The following STX8 variants were observed in gnomAD, a reference collection of about 807,000 sequenced individuals.
STX8 encodes the protein syntaxin-8.
A neutral mutation model predicts 37.5 loss-of-function variants in STX8; 23 were observed. That is an observed-to-expected ratio of 0.61 (90% CI 0.44 to 0.87). The LOEUF is 0.87. Ranked by LOEUF, STX8 falls within the 40% of genes least tolerant of loss-of-function variation. STX8 has a pLI of 0.00. For synonymous variants in STX8, 115 were observed against 99.1 expected, an observed-to-expected ratio of 1.16 and a Z score of -0.95; for missense variants, 313 against 284.7, an observed-to-expected ratio of 1.10 and a Z score of -0.71.
chr17:9,390,112 G>C (rs778020006), intron 6 of STX8, among the ~76,000 whole-genome samples: 12 of 152,174 alleles, frequency 7.9e-5, no homozygotes, highest in South Asian at 2.1e-4. Flanking sequence ...ATTCCCCTTG[G>C]CCACACTCGC....
At chr17:9,270,731 G>C (rs772729526) in intron 7 of STX8, among the ~76,000 whole-genome samples, 1 of 152,184 alleles carries the variant, frequency 6.6e-6, no homozygotes, top group Non-Finnish European at 1.5e-5. Flanking sequence ...AGGAGTAGTG[G>C]TTTTAAAGAA....
At chr17:9,556,661 C>T (rs1471856194) in intron 3 of STX8, among the ~76,000 whole-genome samples, 2 of 150,396 alleles carry the variant, frequency 1.3e-5, no homozygotes, top group African/African-American at 2.4e-5. Context: ...AGGCTGGTCT[C>T]GAACTCCTGG....
At chr17:9,558,998 T>C (rs1183560889) in intron 2 of STX8, among the ~76,000 whole-genome samples, 2 of 152,000 alleles carry the variant, frequency 1.3e-5, no homozygotes, top group East Asian at 1.9e-4. Flanking sequence ...TAGAAAGATA[T>C]CCATCACAGC....
At chr17:9,412,557 G>A (rs1159149383) in intron 6 of STX8, among the ~76,000 whole-genome samples, 5 of 152,144 alleles carry the variant, frequency 3.3e-5, no homozygotes, top group African/African-American at 1.2e-4. Flanking sequence ...GGGATTACAC[G>A]CGTGAGCCAC....
chr17:9,318,390 T>C (rs1909460129), intron 7 of STX8, among the ~76,000 whole-genome samples: 1 of 151,974 alleles, frequency 6.6e-6, no homozygotes, highest in African/African-American at 2.4e-5. Flanking sequence ...CTCTTGTTAG[T>C]ATTCTTGAAG....
chr17:9,338,919 A>T (rs1295307703), intron 7 of STX8, among the ~76,000 whole-genome samples: 1 of 151,964 alleles, frequency 6.6e-6, no homozygotes, highest in Non-Finnish European at 1.5e-5. Context: ...AAAATACAAA[A>T]AATTAGCTGG....
chr17:9,269,004 G>A (rs1030654996), intron 7 of STX8, among the ~76,000 whole-genome samples: 7 of 152,150 alleles, frequency 4.6e-5, no homozygotes, highest in Non-Finnish European at 8.8e-5. Flanking sequence ...TGGCTAAAAC[G>A]GTGAAACCCC....
chr17:9,444,155 C>CTT (rs1904759462), intron 6 of STX8, among the ~76,000 whole-genome samples: 1 of 143,936 alleles, frequency 6.9e-6, no homozygotes. Flanking sequence ...CTCTCTTTCT[C>CTT]TCTCTCTCTC....
In STX8 at chr17:9,372,455, TA is replaced by T. The variant is rs796246012; in HGVS notation, c.643+6096del. Among the ~76,000 whole-genome samples, 7 of 152,074 alleles carry T rather than the reference TA, an allele frequency of 4.6e-5. No individual in the cohort carries two copies. In the South Asian group the frequency reaches 1.0e-3, roughly 23 times the overall value. ...ACAGAAGTGTCTGGCTTTATCAGAT[TA>T]AAAAAATTATTTTTATTTTTATTTA... On this transcript the variant is annotated intron_variant, in intron 7 of 7. Transcript: ENST00000306357.
chr17:9,541,042 A>G (rs955697801), intron 4 of STX8, among the ~76,000 whole-genome samples: 1 of 152,206 alleles, frequency 6.6e-6, no homozygotes, highest in African/African-American at 2.4e-5. Flanking sequence ...GCAGGACCCA[A>G]GAGGTCCTCA....
At chr17:9,443,760 C>T (rs12601242) in intron 6 of STX8, among the ~76,000 whole-genome samples, 30,252 of 152,028 alleles carry the variant, frequency 0.2, 3,730 homozygotes, top group East Asian at 0.59. Flanking sequence ...AGGAACCCCA[C>T]CTACCATAGG....
At chr17:9,379,390 A>T (rs1416266360) in intron 6 of STX8, among the ~76,000 whole-genome samples, 4 of 152,194 alleles carry the variant, frequency 2.6e-5, no homozygotes, top group Admixed American at 2.6e-4. Flanking sequence ...CCATTTAAAT[A>T]CTGGACTAAG....
intron 7 of STX8, among the ~76,000 whole-genome samples, chr17:9,276,628 G>GTT (rs71361884): frequency 0.09 from 12,809 of 141,812 alleles, 560 homozygotes; most frequent in East Asian, 0.16. Flanking sequence ...TTATTTGTTT[G>GTT]TTTTTTTTTT....
intron 6 of STX8, among the ~76,000 whole-genome samples, chr17:9,466,856 T>A (rs764339382): frequency 3.3e-5 from 5 of 152,138 alleles, no homozygotes; most frequent in Non-Finnish European, 7.4e-5. Flanking sequence ...TTACTGAGCG[T>A]TTACTATACA....
At chr17:9,454,785 C>T (rs1905142274) in intron 6 of STX8, among the ~76,000 whole-genome samples, 1 of 151,914 alleles carries the variant, frequency 6.6e-6, no homozygotes, top group Admixed American at 6.6e-5. Context: ...GAAAGCGAAA[C>T]CACATATAAG....
intron 6 of STX8, among the ~76,000 whole-genome samples, chr17:9,429,650 C>T (rs1287735236): frequency 3.1e-5 from 4 of 130,410 alleles, no homozygotes; most frequent in Admixed American, 9.9e-5. Context: ...TTGCAGTGAG[C>T]TGAGATCGCG....
At chr17:9,275,660 G>C (rs1907647326) in intron 7 of STX8, among the ~76,000 whole-genome samples, 2 of 152,130 alleles carry the variant, frequency 1.3e-5, no homozygotes, top group African/African-American at 4.8e-5. Flanking sequence ...ATGAGGTCAA[G>C]AGTTTGAGAT....
chr17:9,359,277 A>T (rs1910982962), intron 7 of STX8, among the ~76,000 whole-genome samples: 1 of 152,088 alleles, frequency 6.6e-6, no homozygotes, highest in South Asian at 2.1e-4. Context: ...TCCTGACCTC[A>T]GGTGGAACTA....
intron 3 of STX8, among the ~76,000 whole-genome samples, chr17:9,551,986 T>G (rs1305887289): frequency 1.3e-5 from 2 of 152,180 alleles, no homozygotes; most frequent in Non-Finnish European, 2.9e-5. Flanking sequence ...TATCTACTTT[T>G]ACTATCATGG....
Sources: gnomAD v4.1 joint callset for allele counts (sites outside exome capture counted in the v4.1 genomes callset) on GRCh38, gnomAD v4.1.1 for gene constraint, MANE v1.5 for transcripts, NCBI Gene and HGNC (gene_info 2026-07-23, HGNC 2026-07-21) for gene names.